DPP6: variants seen among roughly 807,000 people sequenced by gnomAD.
DPP6 encodes dipeptidyl peptidase like 6.
A neutral mutation model predicts 122.6 loss-of-function variants in DPP6; 69 were observed. The ratio of observed to expected loss-of-function variants is 0.56; its 90% confidence interval spans 0.46 to 0.69. The LOEUF (loss-of-function observed/expected upper bound fraction) is 0.69, where lower values mean the gene tolerates loss of function less well. Ranked by LOEUF, DPP6 falls within the 30% of genes least tolerant of loss-of-function variation. The probability of loss-of-function intolerance (pLI) is 0.00; values close to 1 mark genes in which losing one functional copy is unlikely to be tolerated. For missense variants in DPP6, 928 were observed against 1,116.9 expected, an observed-to-expected ratio of 0.83 and a Z score of 2.41; for synonymous variants, 418 against 433.1, an observed-to-expected ratio of 0.97 and a Z score of 0.43.
chr7:153,862,404 T>C, the DPP6 span, among the ~76,000 whole-genome samples: 1 of 152,212 alleles, frequency 6.6e-6, no homozygotes, highest in African/African-American at 2.4e-5. Flanking sequence ...CTCAGCTCCA[T>C]ATTTTAGGGT....
At chr7:153,920,205 A>AG (rs1800564032) in intron 1 of DPP6, among the ~76,000 whole-genome samples, 1 of 66,426 alleles carries the variant, frequency 1.5e-5, no homozygotes, top group Non-Finnish European at 3.0e-5. Context: ...CTGAAAGTCG[A>AG]GGGGGTGACC....
intron 1 of DPP6, among the ~76,000 whole-genome samples, chr7:154,316,615 T>C (rs1293028709): frequency 6.6e-6 from 1 of 152,128 alleles, no homozygotes; most frequent in Non-Finnish European, 1.5e-5. Flanking sequence ...GAAAGAAAGA[T>C]GGGGAATCAA....
chr7:154,726,281 G>A (rs918277425), intron 7 of DPP6, among the ~76,000 whole-genome samples: 1 of 152,192 alleles, frequency 6.6e-6, no homozygotes, highest in Non-Finnish European at 1.5e-5. Context: ...CACTGCCCCA[G>A]TAGAGGATCT....
chr7:154,104,198 T>A (rs549235819), intron 1 of DPP6, among the ~76,000 whole-genome samples: 1 of 152,184 alleles, frequency 6.6e-6, no homozygotes, highest in African/African-American at 2.4e-5. Context: ...GTCTCCTCCA[T>A]GTGGAGATGC....
chr7:153,949,406 A>G (rs754178407), intron 1 of DPP6, among the ~76,000 whole-genome samples: 46 of 152,130 alleles, frequency 3.0e-4, no homozygotes, highest in Non-Finnish European at 5.6e-4. Context: ...TGCTTTTCTT[A>G]TGACTCAATC....
chr7:154,866,656 A>T (rs561644184), intron 17 of DPP6, among the ~76,000 whole-genome samples: 4 of 152,350 alleles, frequency 2.6e-5, no homozygotes, highest in African/African-American at 9.6e-5. Flanking sequence ...AACCTTTCCC[A>T]GTGGTGGTCT....
At chr7:153,850,209 G>C in the DPP6 span, among the ~76,000 whole-genome samples, 2 of 152,298 alleles carry the variant, frequency 1.3e-5, no homozygotes, top group South Asian at 4.1e-4. Context: ...CAATCAAGAT[G>C]CCAGCCAGGA....
intron 1 of DPP6, among the ~76,000 whole-genome samples, chr7:154,208,568 T>A (rs76992877): frequency 3.9e-4 from 59 of 152,340 alleles, no homozygotes; most frequent in Admixed American, 7.2e-4. Context: ...GCAGAATTGA[T>A]CGGCTGACTT....
At chr7:154,263,865 A>G (rs1221526164) in intron 1 of DPP6, among the ~76,000 whole-genome samples, 4 of 151,920 alleles carry the variant, frequency 2.6e-5, no homozygotes, top group Non-Finnish European at 4.4e-5. Flanking sequence ...TAATTTTTGT[A>G]TTTTTAGTAG....
Position 154,464,951 on chromosome 7 carries a change from C to T in DPP6, c.359-9988C>T, listed in dbSNP as rs150033212. On this transcript the variant is annotated intron_variant, in intron 2 of 25. Coordinates refer to ENST00000377770, the MANE Select transcript of DPP6 (RefSeq NM_130797.4). ...GGGTTTTATTGCACATGTATACCTA[C>T]GATAAAATTTAACTTATAAATTAGG... 2.0e-3 allele frequency among the ~76,000 whole-genome samples: 300 copies of T among 152,004 alleles called. 1 individual carries two copies. The highest frequency in any genetic ancestry group is 6.5e-3 in the African/African-American group (271 of 41,434).
At chr7:154,757,733 T>C (rs1795227809) in intron 8 of DPP6, among the ~76,000 whole-genome samples, 1 of 152,148 alleles carries the variant, frequency 6.6e-6, no homozygotes, top group Non-Finnish European at 1.5e-5. Flanking sequence ...GCGCAGGCAC[T>C]AGGATGGAAA....
At chr7:154,398,741 G>A (rs1815315534) in intron 1 of DPP6, among the ~76,000 whole-genome samples, 1 of 152,072 alleles carries the variant, frequency 6.6e-6, no homozygotes, top group South Asian at 2.1e-4. Context: ...AGACTCTGGT[G>A]TCTCAGAGGC....
chr7:154,888,270 G>A (rs190585914), intron 23 of DPP6, among the ~76,000 whole-genome samples: 1 of 152,206 alleles, frequency 6.6e-6, no homozygotes, highest in Non-Finnish European at 1.5e-5. Context: ...TGTATTTTCA[G>A]TAGAGACGGG....
chr7:154,247,626 C>T (rs1256687774), intron 1 of DPP6, among the ~76,000 whole-genome samples: 2 of 152,074 alleles, frequency 1.3e-5, no homozygotes, highest in Admixed American at 1.3e-4. Flanking sequence ...TGTAAAACAA[C>T]ACAAACGCTC....
At chr7:154,747,782 G>T (rs1466598029) in intron 8 of DPP6, among the ~76,000 whole-genome samples, 1 of 152,154 alleles carries the variant, frequency 6.6e-6, no homozygotes, top group South Asian at 2.1e-4. Context: ...TGCGGAGACG[G>T]TGTCCAATTC....
At chr7:153,819,258 G>C in the DPP6 span, among the ~76,000 whole-genome samples, 37,727 of 136,466 alleles carry the variant, frequency 0.28, 5,958 homozygotes, top group Admixed American at 0.43. Context: ...CCCTCTGGCA[G>C]GCTTCAGTGT....
intron 7 of DPP6, among the ~76,000 whole-genome samples, chr7:154,721,738 C>T (rs536753201): frequency 1.0e-4 from 15 of 150,718 alleles, no homozygotes; most frequent in African/African-American, 3.4e-4. Flanking sequence ...CTAACCCCTT[C>T]AGAGAGAATG....
At chr7:154,862,536 G>GCCC (rs1346539966) in intron 17 of DPP6, among the ~76,000 whole-genome samples, 1 of 152,226 alleles carries the variant, frequency 6.6e-6, no homozygotes, top group Non-Finnish European at 1.5e-5. Flanking sequence ...GGAGCTGCAC[G>GCCC]CCCTGCAGGA....
chr7:154,671,639 ATG>A (rs3837063), intron 7 of DPP6, among the ~76,000 whole-genome samples: 8 of 151,550 alleles, frequency 5.3e-5, no homozygotes, highest in African/African-American at 1.5e-4. Context: ...GTGCATGCAT[ATG>A]TGTGTGTGTG....
Sources: gnomAD v4.1 joint callset for allele counts (sites outside exome capture counted in the v4.1 genomes callset) on GRCh38, gnomAD v4.1.1 for gene constraint, MANE v1.5 for transcripts, NCBI Gene and HGNC (gene_info 2026-07-23, HGNC 2026-07-21) for gene names.